Variants in CHD2 observed in about 807,000 individuals in gnomAD.
CHD2 encodes the protein ATP-dependent chromatin remodeler CHD2.
Under a neutral mutation model 243.9 loss-of-function variants are expected in CHD2, and 28 were observed. The observed-to-expected ratio is 0.11, with a 90% CI of 0.09 to 0.16. CHD2 has a LOEUF of 0.16. Among genes scored for constraint, CHD2 ranks in the 10% least tolerant of loss-of-function variants. The probability of loss-of-function intolerance (pLI) is 1.00; values close to 1 mark genes in which losing one functional copy is unlikely to be tolerated. For missense variants in CHD2, 1,386 were observed against 2,209.8 expected, an observed-to-expected ratio of 0.63 and a Z score of 7.47; for synonymous variants, 775 against 779.0, an observed-to-expected ratio of 0.99 and a Z score of 0.09.
At chr15:92,963,615 C>T (rs182030428) in intron 16 of CHD2, among the ~76,000 whole-genome samples, 1 of 152,246 alleles carries the variant, frequency 6.6e-6, no homozygotes, top group Admixed American at 6.5e-5. Flanking sequence ...GTATTCAGGT[C>T]GCTGTTGGGT....
chr15:93,009,225 G>A lies in CHD2; in HGVS notation c.4494G>A (p.Gln1498=). The change falls in exon 35 of 39, where the codon CAG becomes CAA. Residue 1498 remains glutamine (Q), a synonymous_variant. Coordinates refer to ENST00000394196, the MANE Select transcript of CHD2 (RefSeq NM_001271.4). ...KPDKGLNVQE[Q]LEHTRNCLLK... ...ACAAGGGGCTCAACGTGCAAGAACA[G>A]CTGGAACACACCCGGAACTGCCTGC... 6.2e-7 allele frequency: 1 copy of A among 1,614,238 alleles called. No individual in the cohort carries two copies. The highest frequency in any genetic ancestry group is 8.5e-7 in the Non-Finnish European group (1 of 1,180,028).
chr15:92,938,666 G>T lies in CHD2; in HGVS notation c.552-912G>T, dbSNP rs75022929. Among the ~76,000 whole-genome samples the T allele has an allele frequency of 2.9e-4, 44 of 152,316 alleles. No individual in the cohort carries two copies. The East Asian group carries it at 6.4e-3, about 22-fold the overall frequency. ...TTATTTATTACATCGTTGATCATCT[G>T]TTTAGGTTTGGTTATGAGAAAGGTA... On this transcript the variant is annotated intron_variant, in intron 6 of 38. Coordinates refer to ENST00000394196, the MANE Select transcript of CHD2 (RefSeq NM_001271.4).
intron 6 of CHD2, 23 bp from the exon 7 acceptor site, chr15:92,939,555 T>G: frequency 6.2e-7 from 1 of 1,606,886 alleles, no homozygotes; most frequent in South Asian, 1.1e-5. Flanking sequence ...AGACTTAGCC[T>G]TTTGTTTCTC....
At position 92,974,905 on chromosome 15, in the gene CHD2, A is replaced by G. The variant is rs1394327142; in HGVS notation, c.2532A>G (p.Glu844=). 1.2e-6 allele frequency: 2 copies of G among 1,613,832 alleles called. No homozygotes were observed. The highest frequency in any genetic ancestry group is 1.3e-5 in the African/African-American group (1 of 75,042). The change falls in exon 20 of 39, where the codon GAA becomes GAG. Residue 844 remains glutamate, a synonymous_variant. Coordinates refer to ENST00000394196, the MANE Select transcript of CHD2 (RefSeq NM_001271.4). The part of the protein sequence containing the change: ...FQRLDGSIKG[E]IRKQALDHFN... Reference sequence around the variant, plus strand: ...GTCTGGATGGTTCCATCAAGGGAGAAATCCGAAAACAGGCACTGGACCACT... The same window carrying G: ...GTCTGGATGGTTCCATCAAGGGAGAGATCCGAAAACAGGCACTGGACCACT...
rs768380739 is a variant in CHD2, at chr15:93,002,161, C to T, written c.4138-16C>T. The stretch of plus-strand genomic sequence containing the variant: ...AAATTTGTAGCAAAAATTCATAGCC[C>T]TGTTTTGTTTCCTAGGATGATGGCT... On this transcript the variant is annotated splice_polypyrimidine_tract_variant and intron_variant, in intron 32 of 38. Coordinates refer to ENST00000394196, the MANE Select transcript of CHD2 (RefSeq NM_001271.4). 18 of 1,575,450 alleles carry T rather than the reference C, an allele frequency of 1.1e-5. No homozygotes were observed. The highest frequency in any genetic ancestry group is 1.5e-5 in the Non-Finnish European group (17 of 1,169,628).
chr15:93,008,162 A>G (rs2054345711), intron 34 of CHD2, among the ~76,000 whole-genome samples: 1 of 152,166 alleles, frequency 6.6e-6, no homozygotes, highest in South Asian at 2.1e-4. Flanking sequence ...GACTCTCCAG[A>G]GCGTGAAGGC....
chr15:92,979,092 G>C (rs778447793), intron 21 of CHD2, 43 bp from the exon 22 acceptor site: 1 of 1,601,006 alleles, frequency 6.2e-7, no homozygotes, highest in South Asian at 1.1e-5. Context: ...GGGGGGGTTG[G>C]GGGGTGGTTC....
At chr15:92,954,250 C>T (rs6497011) in intron 14 of CHD2, 55,757 of 152,078 alleles carry the variant, frequency 0.37, 11,355 homozygotes, top group East Asian at 0.8. Context: ...GGCATTCTTT[C>T]CTGCTACTGA....
intron 33 of CHD2, among the ~76,000 whole-genome samples, chr15:93,003,980 T>C (rs2054289270): frequency 6.6e-6 from 1 of 151,846 alleles, no homozygotes; most frequent in South Asian, 2.1e-4. Context: ...AAAAAATAGC[T>C]GGGTGTGGTG....
chr15:93,003,724 C>CT (rs2054286418), intron 33 of CHD2, among the ~76,000 whole-genome samples: 1 of 152,092 alleles, frequency 6.6e-6, no homozygotes, highest in South Asian at 2.1e-4. Flanking sequence ...ATAACCACTA[C>CT]TGTGAAGTGG....
Position 92,979,132 on chromosome 15 carries a change from C to T in CHD2, c.2728-3C>T, listed in dbSNP as rs2272460. On this transcript the variant is annotated splice_polypyrimidine_tract_variant and splice_region_variant and intron_variant, in intron 21 of 38. Transcript: ENST00000394196. The stretch of plus-strand genomic sequence containing the variant: ...ATAAGCATAACAGTTCCTTTTCCTA[C>T]AGGTAAATATTTACCGCTTAGTTAC... 546 of 1,613,484 alleles carry T rather than the reference C, an allele frequency of 3.4e-4. 5 individuals carry two copies. In the East Asian group the frequency reaches 0.011, roughly 32 times the overall value.
In CHD2 at chr15:92,999,083, C is replaced by CAAAAAAAAAAAAAA. The variant is rs55738843; in HGVS notation, c.4008+483_4008+496dup. On this transcript the variant is annotated intron_variant, in intron 31 of 38. Coordinates refer to ENST00000394196, the MANE Select transcript of CHD2 (RefSeq NM_001271.4). ...TGGGCAACAGAGCGAGACTCCGTCTCAAAAAAAAAAAAAAAAAAAAAAAAA... is the reference window on the plus strand; with the variant it reads ...TGGGCAACAGAGCGAGACTCCGTCTCAAAAAAAAAAAAAAAAAAAAAAAAAAAAAAAAAAAAAAA... Among the ~76,000 whole-genome samples, 16 of 65,528 alleles carry CAAAAAAAAAAAAAA rather than the reference C, an allele frequency of 2.4e-4. 1 individual carries two copies. Among genetic ancestry groups the CAAAAAAAAAAAAAA allele is most frequent in the Admixed American group, 8.5e-4 (4 of 4,688 alleles). 43.0% of individuals were successfully genotyped at this position (65,528 alleles called of 152,430 possible).
At chr15:93,024,199 T>G (rs548592760) in intron 38 of CHD2, among the ~76,000 whole-genome samples, 173 bp from the exon 39 acceptor site, 2 of 152,358 alleles carry the variant, frequency 1.3e-5, no homozygotes, top group Admixed American at 1.3e-4. Flanking sequence ...TTTCATAGGA[T>G]GTATTTTGCT....
In CHD2 at chr15:93,015,011, T is replaced by TTA. The variant is rs546018368; in HGVS notation, c.4906+102_4906+103insTA. 4.0e-4 allele frequency: 355 copies of TTA among 880,224 alleles called. 1 individual carries two copies. Among genetic ancestry groups the TTA allele is most frequent in the Middle Eastern group, 9.0e-4 (4 of 4,438 alleles). The allele number at this position is 880,224 out of a possible 1,614,324, so 54.5% of individuals were successfully genotyped here. On this transcript the variant is annotated intron_variant, in intron 37 of 38. Transcript: ENST00000394196. ...CACTGGCTAGACTTCTGTGCTTTAT[T>TTA]ATCTTCTAACACTTTATTGTCCTCT...
At chr15:93,010,457 ACT>A (rs2054378036) in intron 35 of CHD2, among the ~76,000 whole-genome samples, 1 of 144,588 alleles carries the variant, frequency 6.9e-6, no homozygotes, top group African/African-American at 2.6e-5. Context: ...TGACTCTTTC[ACT>A]CTATCGCCCA....
chr15:93,018,778 A>G (rs1056920002), intron 37 of CHD2, among the ~76,000 whole-genome samples: 8 of 152,166 alleles, frequency 5.3e-5, no homozygotes, highest in South Asian at 2.1e-4. Context: ...GCCTTCTCCT[A>G]TGCATAGCCT....
chr15:93,009,409 C>A, intron 35 of CHD2, 86 bp downstream of exon 35: 2 of 1,320,720 alleles, frequency 1.5e-6, no homozygotes, highest in Non-Finnish European at 2.1e-6. Context: ...GGTGGCATAG[C>A]CACCTAAGAA....
intron 34 of CHD2, among the ~76,000 whole-genome samples, chr15:93,008,646 A>G (rs1305542682): frequency 6.6e-6 from 1 of 152,168 alleles, no homozygotes; most frequent in Non-Finnish European, 1.5e-5. Flanking sequence ...TTTTAAGGAC[A>G]GTCCCTTTAC....
intron 2 of CHD2, chr15:92,904,537 C>G: frequency 2.0e-6 from 2 of 999,814 alleles, no homozygotes; most frequent in Non-Finnish European, 1.2e-6. Flanking sequence ...TGGGCGGCTT[C>G]TTTCCTGGAC....
Sources: allele counts gnomAD v4.1 joint callset (sites outside exome capture counted in the v4.1 genomes callset), GRCh38; gene constraint gnomAD v4.1.1; transcripts MANE v1.5; gene names NCBI Gene and HGNC (gene_info 2026-07-23, HGNC 2026-07-21).